The following PTPRK variants were observed in gnomAD, a reference collection of about 807,000 sequenced individuals.
PTPRK encodes the protein protein tyrosine phosphatase receptor type K.
PTPRK carries 75 observed loss-of-function variants against 178.0 expected under a neutral mutation model. The ratio of observed to expected loss-of-function variants is 0.42; its 90% confidence interval spans 0.35 to 0.51. PTPRK has a LOEUF of 0.51. PTPRK is among the 20% of genes least tolerant of loss of function. The pLI is 0.02. For synonymous variants in PTPRK, 637 were observed against 620.6 expected (o/e 1.03, Z -0.39); for missense variants, 1,441 against 1,797.8 (o/e 0.80, Z 3.59).
chr6:128,363,687 C>T (rs1835081877), intron 2 of PTPRK, among the ~76,000 whole-genome samples: 1 of 152,112 alleles, frequency 6.6e-6, no homozygotes, highest in African/African-American at 2.4e-5. Flanking sequence ...TTGCTGAACA[C>T]TCATTTCTAT....
chr6:128,490,092 T>G (rs1481486386), intron 1 of PTPRK, among the ~76,000 whole-genome samples: 1 of 152,342 alleles, frequency 6.6e-6, no homozygotes, highest in East Asian at 1.9e-4. Context: ...ACATGGTCAC[T>G]TTAATTCAAA....
chr6:128,340,562 A>T, intron 2 of PTPRK, among the ~76,000 whole-genome samples: 1 of 152,190 alleles, frequency 6.6e-6, no homozygotes, highest in African/African-American at 2.4e-5. Context: ...GAAAAAGAAA[A>T]CTTTCTCACA....
At chr6:128,016,258 G>A (rs1019064680) in intron 13 of PTPRK, among the ~76,000 whole-genome samples, 1 of 151,824 alleles carries the variant, frequency 6.6e-6, no homozygotes, top group Non-Finnish European at 1.5e-5. Context: ...AGTTAAACCC[G>A]AGTGTTTTTA....
At chr6:128,229,068 T>A (rs1419889426) in intron 5 of PTPRK, among the ~76,000 whole-genome samples, 2 of 152,116 alleles carry the variant, frequency 1.3e-5, no homozygotes, top group Non-Finnish European at 2.9e-5. Context: ...GAATTTGAAA[T>A]GCAAAAAAGG....
At chr6:128,151,438 C>T (rs989677591) in intron 7 of PTPRK, among the ~76,000 whole-genome samples, 1 of 151,850 alleles carries the variant, frequency 6.6e-6, no homozygotes, top group Non-Finnish European at 1.5e-5. Flanking sequence ...TAGATTATTA[C>T]TAAATATGAG....
intron 7 of PTPRK, among the ~76,000 whole-genome samples, chr6:128,150,139 T>C (rs1163690222): frequency 6.6e-6 from 1 of 152,158 alleles, no homozygotes; most frequent in Non-Finnish European, 1.5e-5. Flanking sequence ...CTGGTTGTGA[T>C]TTTAGCTACA....
At chr6:128,050,593 ATTAT>A (rs2114871228) in intron 13 of PTPRK, among the ~76,000 whole-genome samples, 1 of 152,330 alleles carries the variant, frequency 6.6e-6, no homozygotes, top group East Asian at 1.9e-4. Context: ...TATGATGCTG[ATTAT>A]TTAATTCATA....
At chr6:128,362,504 T>C (rs1051473298) in intron 2 of PTPRK, among the ~76,000 whole-genome samples, 2 of 152,234 alleles carry the variant, frequency 1.3e-5, no homozygotes, top group African/African-American at 4.8e-5. Flanking sequence ...TTTACATATA[T>C]ACTATTCTAT....
intron 1 of PTPRK, among the ~76,000 whole-genome samples, chr6:128,455,349 T>C (rs188965491): frequency 8.5e-5 from 13 of 152,314 alleles, no homozygotes; most frequent in African/African-American, 2.9e-4. Flanking sequence ...CTTAGTCTCA[T>C]GTCAATTCTC....
At position 128,520,305 on chromosome 6, in the gene PTPRK, G is replaced by C. The variant is rs912576285; in HGVS notation, c.54C>G (p.Leu18=). The C allele has an allele frequency of 1.5e-5, 24 of 1,610,408 alleles. No individual in the cohort carries two copies. The highest frequency in any genetic ancestry group is 1.7e-4 in the Middle Eastern group (1 of 6,054). ...ALPAFVALLL[L]SPWPLLGSAQ... ...CCGATCCCAGGAGAGGCCAAGGAGA[G>C]AGGAGCAAGAGCGCCACAAAAGCAG... is the stretch of plus-strand genomic sequence containing the variant. Residue 18 remains leucine, a synonymous_variant, in exon 1 of 30, where the codon CTC becomes CTG. Coordinates refer to ENST00000368226, the MANE Select transcript of PTPRK (RefSeq NM_002844.4).
At chr6:128,489,661 T>G (rs1853482918) in intron 1 of PTPRK, among the ~76,000 whole-genome samples, 1 of 152,246 alleles carries the variant, frequency 6.6e-6, no homozygotes, top group South Asian at 2.1e-4. Context: ...CACATGGCCA[T>G]GTACACATTG....
intron 3 of PTPRK, among the ~76,000 whole-genome samples, chr6:128,303,605 A>G (rs1825956960): frequency 6.6e-6 from 1 of 152,208 alleles, no homozygotes; most frequent in African/African-American, 2.4e-5. Flanking sequence ...TATAAATCAT[A>G]CATTCTCTAA....
intron 1 of PTPRK, among the ~76,000 whole-genome samples, chr6:128,409,823 T>C (rs1276977227): frequency 6.6e-6 from 1 of 152,188 alleles, no homozygotes; most frequent in African/African-American, 2.4e-5. Context: ...AAGATGTGAC[T>C]TGCTCCTCCT....
At chr6:128,402,037 T>C (rs1015241268) in intron 1 of PTPRK, among the ~76,000 whole-genome samples, 3 of 152,184 alleles carry the variant, frequency 2.0e-5, no homozygotes, top group Admixed American at 6.5e-5. Flanking sequence ...AAGCTAACTT[T>C]GTCATCTATC....
At chr6:128,306,814 A>G (rs1826451884) in intron 3 of PTPRK, among the ~76,000 whole-genome samples, 1 of 152,112 alleles carries the variant, frequency 6.6e-6, no homozygotes, top group Non-Finnish European at 1.5e-5. Flanking sequence ...AAAAAAATTA[A>G]GAGAATCAAA....
Position 128,486,771 on chromosome 6 carries a change from C to T in PTPRK, c.100+33488G>A, listed in dbSNP as rs555824446. ...CCAGCCTGGGTGATAGAGGCAGATC[C>T]TGTAGAAAGAAAGAAAGACAGAAAG... On this transcript the variant is annotated intron_variant, in intron 1 of 29. Transcript: ENST00000368226. Among the ~76,000 whole-genome samples, 81 of 149,306 alleles carry T rather than the reference C, an allele frequency of 5.4e-4. 1 individual carries two copies. Among genetic ancestry groups the T allele is most frequent in the African/African-American group, 1.9e-3 (78 of 40,284 alleles).
chr6:127,986,819 G>T (rs1776032465), intron 21 of PTPRK, among the ~76,000 whole-genome samples: 2 of 152,098 alleles, frequency 1.3e-5, no homozygotes. Context: ...TTTATCTTTA[G>T]ATTCAATCTT....
In PTPRK at chr6:128,307,160, A is replaced by AAATAT. The variant is rs5879886; in HGVS notation, c.495+14878_495+14879insATATT. ...AGGCTCAGAGCTCAGAAGAAAAAAA[A>AAATAT]ATATATATATATATATATGGATATA... On this transcript the variant is annotated intron_variant, in intron 3 of 29. Transcript: ENST00000368226. Among the ~76,000 whole-genome samples, 966 of 142,358 alleles carry AAATAT rather than the reference A, an allele frequency of 6.8e-3. 8 individuals carry two copies. The highest frequency in any genetic ancestry group is 0.024 in the African/African-American group (874 of 36,838). The allele number at this position is 142,358 out of a possible 152,430, so 93.4% of individuals were successfully genotyped here.
intron 5 of PTPRK, among the ~76,000 whole-genome samples, chr6:128,221,917 G>GT (rs901226016): frequency 2.0e-5 from 3 of 151,752 alleles, no homozygotes; most frequent in African/African-American, 4.8e-5. Flanking sequence ...CTCAGACTGC[G>GT]TTTTTTTCAA....
Sources: gnomAD v4.1 joint callset for allele counts (sites outside exome capture counted in the v4.1 genomes callset) on GRCh38, gnomAD v4.1.1 for gene constraint, MANE v1.5 for transcripts, NCBI Gene and HGNC (gene_info 2026-07-23, HGNC 2026-07-21) for gene names.